Variants in ACSS3 observed in about 807,000 individuals in gnomAD.
ACSS3 encodes acyl-CoA synthetase short chain family member 3.
A neutral mutation model predicts 84.2 loss-of-function variants in ACSS3; 64 were observed. The ratio of observed to expected loss-of-function variants is 0.76; its 90% confidence interval spans 0.62 to 0.94. The LOEUF (loss-of-function observed/expected upper bound fraction) is 0.94, where lower values mean the gene tolerates loss of function less well. ACSS3 is among the 40% of genes least tolerant of loss of function. The pLI is 0.00. For synonymous variants in ACSS3, 317 were observed against 310.1 expected (o/e 1.02, Z -0.23); for missense variants, 815 against 867.6 (o/e 0.94, Z 0.76).
At chr12:81,210,359 CAT>C (rs1325780921) in intron 9 of ACSS3, among the ~76,000 whole-genome samples, 1 of 152,136 alleles carries the variant, frequency 6.6e-6, no homozygotes, top group African/African-American at 2.4e-5. Context: ...GAGGACCACT[CAT>C]AACTCTTGGA....
chr12:81,235,259 C>A lies in ACSS3; in HGVS notation c.1719+1788C>A, dbSNP rs546263681. ...TGGAGTGGGTCTGTTTCTAGAATAT[C>A]TTTCTATTTCATTGATCTATGTTTT... On this transcript the variant is annotated intron_variant, in intron 13 of 15. Coordinates refer to ENST00000548058, the MANE Select transcript of ACSS3 (RefSeq NM_024560.4). Among the ~76,000 whole-genome samples the A allele has an allele frequency of 6.0e-5, 9 of 151,100 alleles. No individual in the cohort carries two copies. The East Asian group carries it at 1.6e-3, about 26-fold the overall frequency.
intron 12 of ACSS3, among the ~76,000 whole-genome samples, chr12:81,233,061 T>G (rs12305230): frequency 0.43 from 65,827 of 151,506 alleles, 14,871 homozygotes; most frequent in Non-Finnish European, 0.5. Context: ...ATTGAGCTAT[T>G]ACTTCTCCAT....
chr12:81,149,979 C>T (rs1593129867), intron 5 of ACSS3, among the ~76,000 whole-genome samples: 1 of 152,102 alleles, frequency 6.6e-6, no homozygotes, highest in African/African-American at 2.4e-5. Context: ...GACAAAGTGA[C>T]ATTGGTAAAT....
chr12:81,177,836 A>G (rs1185989082), intron 8 of ACSS3, among the ~76,000 whole-genome samples: 4 of 152,198 alleles, frequency 2.6e-5, no homozygotes, highest in Non-Finnish European at 5.9e-5. Flanking sequence ...GAGGATGTGG[A>G]GAAATAGGAA....
intron 7 of ACSS3, among the ~76,000 whole-genome samples, chr12:81,162,903 AT>A (rs2135787595): frequency 6.6e-6 from 1 of 152,236 alleles, no homozygotes; most frequent in South Asian, 2.1e-4. Flanking sequence ...CAACTTTGCT[AT>A]GAAATCAGAG....
chr12:81,194,083 T>A (rs2031708029), intron 8 of ACSS3, among the ~76,000 whole-genome samples: 2 of 151,776 alleles, frequency 1.3e-5, no homozygotes, highest in Non-Finnish European at 3.0e-5. Context: ...TATTTTTTTT[T>A]TATAAACCAC....
At chr12:81,127,236 A>C (rs1197870956) in intron 2 of ACSS3, among the ~76,000 whole-genome samples, 1 of 151,936 alleles carries the variant, frequency 6.6e-6, no homozygotes, top group Non-Finnish European at 1.5e-5. Flanking sequence ...TAAAAATGTT[A>C]CATTTCTAGA....
At chr12:81,205,907 C>G (rs1285116301) in intron 9 of ACSS3, among the ~76,000 whole-genome samples, 1 of 152,054 alleles carries the variant, frequency 6.6e-6, no homozygotes, top group East Asian at 1.9e-4. Context: ...AGCTTGTGTC[C>G]TGTGCAAAAT....
intron 7 of ACSS3, among the ~76,000 whole-genome samples, chr12:81,158,677 T>C (rs1161174846): frequency 6.6e-6 from 1 of 152,134 alleles, no homozygotes; most frequent in Non-Finnish European, 1.5e-5. Flanking sequence ...GTTATTCTTA[T>C]GCTCATTCCT....
rs779094916 is a variant in ACSS3 at position 81,139,188 on chromosome 12, G to C, written c.703G>C (p.Val235Leu). The C allele has an allele frequency of 5.0e-6, 8 of 1,613,760 alleles. No individual in the cohort carries two copies. Among genetic ancestry groups the C allele is most frequent in the Non-Finnish European group, 6.8e-6 (8 of 1,179,748 alleles). ...TGAACCTGGAAGGAGGGTAGAGTAC[G>C]TACCACTTGTAGAAGAAGCGCTAAA... ...GIEPGRRVEY[V>L]PLVEEALKIG... Residue 235 changes from valine to leucine, a missense_variant, in exon 4 of 16, where the codon GTA (valine) becomes CTA (leucine). Coordinates refer to ENST00000548058, the MANE Select transcript of ACSS3 (RefSeq NM_024560.4).
intron 8 of ACSS3, among the ~76,000 whole-genome samples, chr12:81,185,524 T>C (rs2031207431): frequency 6.6e-6 from 1 of 151,678 alleles, no homozygotes. Flanking sequence ...CAAAAATCAG[T>C]GGCATTTTTC....
chr12:81,222,600 G>A (rs1016117867), intron 11 of ACSS3, among the ~76,000 whole-genome samples: 1 of 151,962 alleles, frequency 6.6e-6, no homozygotes, highest in African/African-American at 2.4e-5. Context: ...ACTCATTTGT[G>A]TAGGTTCATA....
At chr12:81,124,986 G>A (rs1448018858) in intron 2 of ACSS3, among the ~76,000 whole-genome samples, 3 of 152,242 alleles carry the variant, frequency 2.0e-5, no homozygotes, top group East Asian at 1.9e-4. Context: ...AGGCCGAGGC[G>A]GGCAGATCAC....
chr12:81,209,055 A>G (rs1462943023), intron 9 of ACSS3, among the ~76,000 whole-genome samples: 1 of 151,848 alleles, frequency 6.6e-6, no homozygotes, highest in South Asian at 2.1e-4. Flanking sequence ...GGAGTCCTCT[A>G]TTTTTTTCTC....
rs1184427393 is a variant in ACSS3 at position 81,143,221 on chromosome 12, A to G, written c.895A>G (p.Thr299Ala). ...LSEHPLYILY[T>A]SGTTGLPKGV... ...AGAACACCCACTGTATATTCTTTAC[A>G]CATCTGGCACAACGGGGTTACCTAA... Residue 299 changes from threonine (T) to alanine (A), a missense_variant, in exon 5 of 16, where the codon ACA becomes GCA. Transcript: ENST00000548058. 6.2e-7 allele frequency: 1 copy of G among 1,603,672 alleles called. No individual in the cohort carries two copies. Among genetic ancestry groups the G allele is most frequent in the Admixed American group, 1.7e-5 (1 of 59,628 alleles).
intron 5 of ACSS3, among the ~76,000 whole-genome samples, chr12:81,149,488 A>G (rs1331034215): frequency 6.6e-6 from 1 of 152,162 alleles, no homozygotes. Flanking sequence ...GTGAACCTGG[A>G]GAATATGAAA....
intron 13 of ACSS3, among the ~76,000 whole-genome samples, chr12:81,245,613 C>T (rs529486392): frequency 2.0e-5 from 3 of 152,262 alleles, no homozygotes; most frequent in African/African-American, 4.8e-5. Flanking sequence ...GAAAAAGGAA[C>T]ACAGTGTTTT....
At chr12:81,089,899 G>A (rs1881562085) in intron 1 of ACSS3, among the ~76,000 whole-genome samples, 1 of 151,964 alleles carries the variant, frequency 6.6e-6, no homozygotes, top group Admixed American at 6.6e-5. Context: ...AAGATAAGTG[G>A]CTTGTCCGAA....
rs1456550931 is a variant in ACSS3, at chr12:81,253,376, G to A, written c.1789G>A (p.Val597Ile). Residue 597 changes from valine (V) to isoleucine (I), a missense_variant, in exon 14 of 16, where the codon GTC (valine) becomes ATC (isoleucine). Physicochemically the swap from Val to Ile is conservative, Grantham distance 29 (BLOSUM62 3). Coordinates refer to ENST00000548058, the MANE Select transcript of ACSS3 (RefSeq NM_024560.4). ...VGKEDPLKGH[V>I]PLALCVLRKD... ...CAAGGAAGATCCCTTAAAAGGTCAT[G>A]TCCCCTTAGCACTCTGTGTATTGAG... 6.2e-7 allele frequency: 1 copy of A among 1,613,922 alleles called. No homozygotes were observed. Among genetic ancestry groups the A allele is most frequent in the Non-Finnish European group, 8.5e-7 (1 of 1,179,880 alleles).
Sources: allele counts gnomAD v4.1 joint callset (sites outside exome capture counted in the v4.1 genomes callset), GRCh38; gene constraint gnomAD v4.1.1; transcripts MANE v1.5; gene names NCBI Gene and HGNC (gene_info 2026-07-23, HGNC 2026-07-21).